Variants in OAF observed in about 807,000 individuals in gnomAD.
The protein encoded by OAF is out at first protein homolog.
OAF carries 13 observed loss-of-function variants against 22.5 expected under a neutral mutation model. The ratio of observed to expected loss-of-function variants is 0.58; its 90% CI spans 0.38 to 0.92. The LOEUF (loss-of-function observed/expected upper bound fraction) is 0.92, where lower values mean the gene tolerates loss of function less well. Ranked by LOEUF, OAF falls within the 40% of genes least tolerant of loss-of-function variation. OAF has a pLI of 0.00. For synonymous variants in OAF, 175 were observed against 170.5 expected (o/e 1.03, Z -0.21); for missense variants, 347 against 381.8 (o/e 0.91, Z 0.76).
rs113702991 is a variant in OAF, at chr11:120,221,044, G to A, written c.232-4617G>A. On this transcript the variant is annotated intron_variant, in intron 1 of 3. Transcript: ENST00000328965. ...GCCAATGAGGAGTCCCTCACTGTGC[G>A]AAGTCTTCCCTCCCTCATGCCACCC... is the stretch of plus-strand genomic sequence containing the variant. Among the ~76,000 whole-genome samples, 120 of 152,264 alleles carry A rather than the reference G, an allele frequency of 7.9e-4. 1 individual carries two copies. The highest frequency in any genetic ancestry group is 2.7e-3 in the African/African-American group (112 of 41,558).
rs370265321 is a variant in OAF, at chr11:120,222,929, A to AAACAAAACAAAAC, written c.232-2730_232-2729insCAAAACAAAACAA. ...CTGTCTCAAAAAACAAAACAAAACAAAAAACAAAAAAAGAAGTCCTGGCAG... is the reference window on the plus strand; with the variant it reads ...CTGTCTCAAAAAACAAAACAAAACAAAACAAAACAAAACAAAACAAAAAAAGAAGTCCTGGCAG... On this transcript the variant is annotated intron_variant, in intron 1 of 3. Coordinates refer to ENST00000328965, the MANE Select transcript of OAF (RefSeq NM_178507.4). Among the ~76,000 whole-genome samples, 46 of 20,204 alleles carry AAACAAAACAAAAC rather than the reference A, an allele frequency of 2.3e-3. 1 individual carries two copies. The Admixed American group carries it at 0.028, about 12-fold the overall frequency. 13.3% of individuals were successfully genotyped at this position (20,204 alleles called of 152,430 possible). A position where few individuals can be genotyped will look rare whatever the true frequency, so the allele number is the denominator to read the frequency against.
chr11:120,229,122 G>A lies in OAF; in HGVS notation c.802G>A (p.Glu268Lys), dbSNP rs1438131967. 1 of 1,612,908 alleles carries A rather than the reference G, an allele frequency of 6.2e-7. No individual in the cohort carries two copies. Among genetic ancestry groups the A allele is most frequent in the Admixed American group, 1.7e-5 (1 of 60,010 alleles). The change falls in exon 4 of 4, where the codon GAG (glutamate) becomes AAG (lysine). Residue 268 changes from glutamate to lysine, a missense_variant. Physicochemically the swap from Glu to Lys is moderately conservative, Grantham distance 56. Coordinates refer to ENST00000328965, the MANE Select transcript of OAF (RefSeq NM_178507.4). ...CCAGAGGCAGCTGTGTCTCTGGGATGAGGATCCCTACCCAGGCTAGGGTGG... is the reference window on the plus strand; with the variant it reads ...CCAGAGGCAGCTGTGTCTCTGGGATAAGGATCCCTACCCAGGCTAGGGTGG... ...VPQRQLCLWD[E>K]DPYPG
chr11:120,211,267 G>A lies in OAF; in HGVS notation c.-13G>A. ...CGGCGCGCCGGGGCCGCGGACGGCAGCGGCCCCCGGGGATGCGCCTTCCCG... is the reference window on the plus strand; with the variant it reads ...CGGCGCGCCGGGGCCGCGGACGGCAACGGCCCCCGGGGATGCGCCTTCCCG... On this transcript the variant is annotated 5_prime_UTR_variant, in exon 1 of 4. Coordinates refer to ENST00000328965, the MANE Select transcript of OAF (RefSeq NM_178507.4). The A allele has an allele frequency of 8.3e-7, 1 of 1,201,878 alleles. No individual in the cohort carries two copies. Among genetic ancestry groups the A allele is most frequent in the Non-Finnish European group, 1.0e-6 (1 of 968,410 alleles). 74.5% of individuals were successfully genotyped at this position (1,201,878 alleles called of 1,614,324 possible). A position where few individuals can be genotyped will look rare whatever the true frequency, so the allele number is the denominator to read the frequency against.
At chr11:120,213,752 G>T (rs967993611) in intron 1 of OAF, 3 of 152,148 alleles carry the variant, frequency 2.0e-5, no homozygotes, top group Admixed American at 2.0e-4. Flanking sequence ...AAGAAAGTTT[G>T]GTCTAGAAGG....
chr11:120,225,782 C>G lies in OAF; in HGVS notation c.353C>G (p.Ala118Gly). ...HNEIIPSEAM[A>G]KLRQKNPRAV... ...GAGATCATCCCCAGTGAGGCCATGG[C>G]CAAGCTCCGGCAGGTAAGTGCCCCA... is the stretch of plus-strand genomic sequence containing the variant. The change falls in exon 2 of 4, where the codon GCC becomes GGC. Residue 118 changes from alanine to glycine, a missense_variant. Coordinates refer to ENST00000328965, the MANE Select transcript of OAF (RefSeq NM_178507.4). 6.2e-7 allele frequency: 1 copy of G among 1,601,484 alleles called. No homozygotes were observed. The highest frequency in any genetic ancestry group is 1.4e-5 in the African/African-American group (1 of 74,014).
chr11:120,216,744 A>G (rs1269305111), intron 1 of OAF, among the ~76,000 whole-genome samples: 1 of 152,158 alleles, frequency 6.6e-6, no homozygotes, highest in Non-Finnish European at 1.5e-5. Context: ...TCCTGCTGGG[A>G]AGCTGGTGGG....
chr11:120,225,821 G>A (rs1938350228), intron 2 of OAF, 26 bp downstream of exon 2: 1 of 1,584,154 alleles, frequency 6.3e-7, no homozygotes, highest in Non-Finnish European at 8.6e-7. Flanking sequence ...GGCCTGCCTG[G>A]CCCAGGTCCT....
At chr11:120,225,911 A>G in intron 2 of OAF, 116 bp downstream of exon 2, 5 of 846,774 alleles carry the variant, frequency 5.9e-6, no homozygotes, top group Non-Finnish European at 5.5e-6. Flanking sequence ...CCCTGCAGCC[A>G]GCCTAGCTCT....
intron 3 of OAF, 39 bp downstream of exon 3, chr11:120,227,035 G>T: frequency 6.6e-7 from 1 of 1,505,496 alleles, no homozygotes; most frequent in African/African-American, 1.4e-5. Flanking sequence ...GCTGGGCGGA[G>T]GGAAGGGGAC....
Position 120,229,278 on chromosome 11 carries a change from G to GC in OAF, c.*140dup. On this transcript the variant is annotated 3_prime_UTR_variant, in exon 4 of 4. Coordinates refer to ENST00000328965, the MANE Select transcript of OAF (RefSeq NM_178507.4). ...TGGCCCTAGAGCCTGGGCCCCTCTG[G>GC]CCCCATCTCACATGACTGTGAAGGG... The GC allele has an allele frequency of 1.3e-6, 1 of 792,844 alleles. No homozygotes were observed. The allele number at this position is 792,844 out of a possible 1,614,324, so 49.1% of individuals were successfully genotyped here. A position where few individuals can be genotyped will look rare whatever the true frequency, so the allele number is the denominator to read the frequency against.
chr11:120,226,887 C>T lies in OAF; in HGVS notation c.438C>T (p.Val146=). 6.2e-7 allele frequency: 1 copy of T among 1,612,816 alleles called. No homozygotes were observed. Among genetic ancestry groups the T allele is most frequent in the Non-Finnish European group, 8.5e-7 (1 of 1,179,070 alleles). The change falls in exon 3 of 4, where the codon GTC becomes GTT. Residue 146 remains valine (V), a synonymous_variant. Coordinates refer to ENST00000328965, the MANE Select transcript of OAF (RefSeq NM_178507.4). ...AGCATCTGCACATGGATGTCGCTGT[C>T]AACTTCAGCCAGGGGGCCCTGCTGA... ...GLEHLHMDVA[V]NFSQGALLSP...
intron 2 of OAF, among the ~76,000 whole-genome samples, chr11:120,226,346 G>T (rs954276683): frequency 5.3e-5 from 8 of 152,230 alleles, no homozygotes; most frequent in African/African-American, 1.9e-4. Flanking sequence ...TGTCTTCTTA[G>T]ACCCAGGGCC....
chr11:120,214,812 C>T (rs1412451440), intron 1 of OAF, among the ~76,000 whole-genome samples: 2 of 152,246 alleles, frequency 1.3e-5, no homozygotes, highest in African/African-American at 4.8e-5. Flanking sequence ...GGCTTGCAGA[C>T]TCAGTAGCTT....
At chr11:120,213,436 C>T (rs956808577) in intron 1 of OAF, among the ~76,000 whole-genome samples, 4 of 152,172 alleles carry the variant, frequency 2.6e-5, no homozygotes, top group African/African-American at 9.7e-5. Flanking sequence ...GCCTCTGACC[C>T]AGAAGCTACC....
At chr11:120,223,065 T>G (rs1243398967) in intron 1 of OAF, among the ~76,000 whole-genome samples, 2 of 152,232 alleles carry the variant, frequency 1.3e-5, no homozygotes, top group Non-Finnish European at 2.9e-5. Flanking sequence ...CGAAGGCAGG[T>G]GTGCTGACTT....
At chr11:120,225,069 T>G (rs1312504003) in intron 1 of OAF, among the ~76,000 whole-genome samples, 1 of 152,006 alleles carries the variant, frequency 6.6e-6, no homozygotes, top group Non-Finnish European at 1.5e-5. Context: ...AGGCGAGGCA[T>G]CCTAGCTCCC....
At position 120,229,385 on chromosome 11, in the gene OAF, G is replaced by A. The variant is rs1938407489; in HGVS notation, c.*243G>A. 8 of 245,356 alleles carry A rather than the reference G, an allele frequency of 3.3e-5. No homozygotes were observed. In the South Asian group the frequency reaches 6.5e-4, roughly 20 times the overall value. 15.2% of individuals were successfully genotyped at this position (245,356 alleles called of 1,614,324 possible). ...CTTGCGGGCAGAGAGGGAGAGAAGGGCTCCCCAGATCTACACCCCTCCCTC... is the reference window on the plus strand; with the variant it reads ...CTTGCGGGCAGAGAGGGAGAGAAGGACTCCCCAGATCTACACCCCTCCCTC... On this transcript the variant is annotated 3_prime_UTR_variant, in exon 4 of 4. Transcript: ENST00000328965.
At position 120,227,078 on chromosome 11, in the gene OAF, G is replaced by A. The variant is rs1442534323; in HGVS notation, c.547+82G>A. 7.3e-6 allele frequency: 7 copies of A among 956,386 alleles called. No individual in the cohort carries two copies. In the Admixed American group the frequency reaches 1.8e-4, roughly 24 times the overall value. The allele number at this position is 956,386 out of a possible 1,614,324, so 59.2% of individuals were successfully genotyped here. On this transcript the variant is annotated intron_variant, in intron 3 of 3. Coordinates refer to ENST00000328965, the MANE Select transcript of OAF (RefSeq NM_178507.4). ...CAGCACAGAGCAGTGGAGGAGGGCA[G>A]GGGCATCATTAGTTGAGTCTCATCA...
Position 120,226,977 on chromosome 11 carries a change from C to A in OAF, c.528C>A (p.Val176=). ...CCATCTACACCCGCCAGGAGGATGT[C>A]CGGTTCTGGCTGGAGCAAGGTCAGC... is the stretch of plus-strand genomic sequence containing the variant. The part of the protein sequence containing the change: ...VDAIYTRQED[V]RFWLEQGVDS... Residue 176 remains valine (V), a synonymous_variant, in exon 3 of 4, where the codon GTC becomes GTA. Coordinates refer to ENST00000328965, the MANE Select transcript of OAF (RefSeq NM_178507.4). The A allele has an allele frequency of 6.3e-7, 1 of 1,599,224 alleles. No individual in the cohort carries two copies. The highest frequency in any genetic ancestry group is 1.1e-5 in the South Asian group (1 of 90,220).
Sources: allele counts gnomAD v4.1 joint callset (sites outside exome capture counted in the v4.1 genomes callset), GRCh38; gene constraint gnomAD v4.1.1; transcripts MANE v1.5; gene names NCBI Gene and HGNC (gene_info 2026-07-23, HGNC 2026-07-21).